The following PTPRD variants were observed in gnomAD, a reference collection of about 807,000 sequenced individuals.
The protein encoded by PTPRD is receptor-type tyrosine-protein phosphatase delta.
Under a neutral mutation model 214.5 loss-of-function variants are expected in PTPRD, and 34 were observed. The observed-to-expected ratio is 0.16, with a 90% CI of 0.12 to 0.21. The LOEUF (loss-of-function observed/expected upper bound fraction) is 0.21. PTPRD is among the 10% of genes least tolerant of loss of function. PTPRD has a pLI of 1.00. For missense variants in PTPRD, 2,545 were observed against 2,398.7 expected (o/e 1.06, Z -1.27); for synonymous variants, 1,128 against 845.7 (o/e 1.33, Z -5.79).
At chr9:10,456,815 C>G (rs973188128) in intron 2 of PTPRD, among the ~76,000 whole-genome samples, 1 of 151,890 alleles carries the variant, frequency 6.6e-6, no homozygotes, top group Non-Finnish European at 1.5e-5. Flanking sequence ...TAACTCATTT[C>G]TGTATCTAGG....
intron 37 of PTPRD, among the ~76,000 whole-genome samples, chr9:8,381,229 A>G (rs1224002746): frequency 3.3e-5 from 5 of 152,184 alleles, no homozygotes; most frequent in Admixed American, 2.6e-4. Flanking sequence ...TATTTTTGGG[A>G]GTAAGGAAAT....
chr9:8,668,835 G>T (rs181282220), intron 12 of PTPRD, among the ~76,000 whole-genome samples: 1 of 152,310 alleles, frequency 6.6e-6, no homozygotes, highest in Non-Finnish European at 1.5e-5. Flanking sequence ...AAAGTGCAAA[G>T]TATTCCAAAA....
At chr9:9,645,072 T>C (rs907480977) in intron 7 of PTPRD, among the ~76,000 whole-genome samples, 2 of 152,170 alleles carry the variant, frequency 1.3e-5, no homozygotes, top group East Asian at 1.9e-4. Context: ...TAAAAGAGCA[T>C]TAATTGTAAA....
At chr9:10,509,198 A>G (rs957137558) in intron 2 of PTPRD, among the ~76,000 whole-genome samples, 1 of 152,080 alleles carries the variant, frequency 6.6e-6, no homozygotes, top group Non-Finnish European at 1.5e-5. Context: ...CTGCAACTCC[A>G]TATTAAAAAT....
intron 7 of PTPRD, among the ~76,000 whole-genome samples, chr9:9,581,841 G>T (rs1012060990): frequency 2.0e-5 from 3 of 152,020 alleles, no homozygotes; most frequent in Non-Finnish European, 4.4e-5. Context: ...TGCTTGTTAA[G>T]TAATTTATAC....
rs375366276 is a variant in PTPRD, at chr9:8,818,812, C to T, written c.-103-84866G>A. On this transcript the variant is annotated intron_variant, in intron 11 of 45. Coordinates refer to ENST00000381196, the MANE Select transcript of PTPRD (RefSeq NM_002839.4). ...GTAATCACGATTTTGAATTTCAAAT[C>T]ATTTGGCCATTTTTGATATCAACAT... Among the ~76,000 whole-genome samples, 92 of 152,296 alleles carry T rather than the reference C, an allele frequency of 6.0e-4. 1 individual carries two copies. The highest frequency in any genetic ancestry group is 2.1e-3 in the African/African-American group (86 of 41,556).
chr9:9,789,423 A>G (rs889268579), intron 5 of PTPRD, among the ~76,000 whole-genome samples: 2 of 152,194 alleles, frequency 1.3e-5, no homozygotes, highest in African/African-American at 2.4e-5. Context: ...AAAATATTTT[A>G]TTCTGCACTA....
At chr9:10,274,180 C>T (rs747768244) in intron 3 of PTPRD, among the ~76,000 whole-genome samples, 18 of 152,124 alleles carry the variant, frequency 1.2e-4, no homozygotes, top group South Asian at 2.1e-4. Context: ...CAAAATTAGA[C>T]GGCAGGTAAG....
At chr9:9,355,556 G>A (rs2053440886) in intron 9 of PTPRD, among the ~76,000 whole-genome samples, 1 of 151,498 alleles carries the variant, frequency 6.6e-6, no homozygotes, top group South Asian at 2.1e-4. Context: ...GAGAAGATGA[G>A]AAAAGTCAGG....
intron 4 of PTPRD, among the ~76,000 whole-genome samples, chr9:9,982,420 CTT>C (rs557663836): frequency 1.3e-3 from 202 of 151,666 alleles, no homozygotes; most frequent in African/African-American, 4.5e-3. Flanking sequence ...TCAAAAATCT[CTT>C]ATATATTCAA....
At chr9:10,272,096 C>G (rs1203235347) in intron 3 of PTPRD, among the ~76,000 whole-genome samples, 1 of 152,002 alleles carries the variant, frequency 6.6e-6, no homozygotes, top group Non-Finnish European at 1.5e-5. Context: ...TCATCATTTC[C>G]CCCTAATCCC....
chr9:10,591,076 G>T (rs1028534145), intron 2 of PTPRD, among the ~76,000 whole-genome samples: 1 of 151,636 alleles, frequency 6.6e-6, no homozygotes, highest in Non-Finnish European at 1.5e-5. Flanking sequence ...CTGATGGGCA[G>T]ATTCCAATAT....
chr9:8,491,345 G>T (rs1468918575), intron 27 of PTPRD, among the ~76,000 whole-genome samples: 1 of 152,144 alleles, frequency 6.6e-6, no homozygotes, highest in Admixed American at 6.5e-5. Flanking sequence ...CGTTAAAATA[G>T]ACAAAATCAT....
At chr9:8,606,303 T>C (rs1215958702) in intron 14 of PTPRD, among the ~76,000 whole-genome samples, 1 of 152,200 alleles carries the variant, frequency 6.6e-6, no homozygotes, top group Non-Finnish European at 1.5e-5. Flanking sequence ...AGAATGCTAA[T>C]GTAATGCCAG....
intron 7 of PTPRD, among the ~76,000 whole-genome samples, chr9:9,592,393 A>C (rs1301430499): frequency 6.6e-6 from 1 of 152,060 alleles, no homozygotes; most frequent in Non-Finnish European, 1.5e-5. Context: ...TTCTTCCTCC[A>C]TGTATGCTTA....
intron 9 of PTPRD, among the ~76,000 whole-genome samples, chr9:9,301,125 A>T (rs1386122469): frequency 6.6e-6 from 1 of 151,864 alleles, no homozygotes; most frequent in African/African-American, 2.4e-5. Context: ...ACCTTTTATT[A>T]TTCATAATAA....
intron 12 of PTPRD, among the ~76,000 whole-genome samples, chr9:8,705,973 A>C (rs2098198100): frequency 6.6e-6 from 1 of 152,128 alleles, no homozygotes; most frequent in African/African-American, 2.4e-5. Context: ...CATATGTGTA[A>C]ATTCCAAGCC....
intron 8 of PTPRD, among the ~76,000 whole-genome samples, chr9:9,534,521 A>G (rs7032303): frequency 0.18 from 27,198 of 151,950 alleles, 2,668 homozygotes; most frequent in Middle Eastern, 0.22. Context: ...CTGACATAAT[A>G]CATAAATTTT....
intron 3 of PTPRD, among the ~76,000 whole-genome samples, chr9:10,260,641 G>A (rs958639815): frequency 6.6e-6 from 1 of 152,156 alleles, no homozygotes; most frequent in East Asian, 1.9e-4. Context: ...TAGTGTGGTA[G>A]TGAATGTCAC....
Sources: allele counts gnomAD v4.1 joint callset (sites outside exome capture counted in the v4.1 genomes callset), GRCh38; gene constraint gnomAD v4.1.1; transcripts MANE v1.5; gene names NCBI Gene and HGNC (gene_info 2026-07-23, HGNC 2026-07-21).